PDE4B: variants seen among roughly 807,000 people sequenced by gnomAD.
PDE4B encodes the protein 3',5'-cyclic-AMP phosphodiesterase 4B.
Under a neutral mutation model 82.2 loss-of-function variants are expected in PDE4B, and 20 were observed. The observed-to-expected ratio is 0.24, with a 90% CI of 0.17 to 0.35. PDE4B has a LOEUF of 0.35. PDE4B is among the 10% of genes least tolerant of loss of function. The probability of loss-of-function intolerance (pLI) is 1.00; values close to 1 mark genes in which losing one functional copy is unlikely to be tolerated. For synonymous variants in PDE4B, 320 were observed against 318.9 expected, an observed-to-expected ratio of 1.00 and a Z score of -0.04; for missense variants, 655 against 907.2, an observed-to-expected ratio of 0.72 and a Z score of 3.57.
intron 1 of PDE4B, among the ~76,000 whole-genome samples, chr1:65,912,901 C>T (rs751958258): frequency 6.6e-6 from 1 of 152,080 alleles, no homozygotes; most frequent in Non-Finnish European, 1.5e-5. Flanking sequence ...TTGCAAGCAT[C>T]AAATAAAATA....
chr1:66,066,077 C>T (rs1287047935), intron 3 of PDE4B, among the ~76,000 whole-genome samples: 1 of 151,402 alleles, frequency 6.6e-6, no homozygotes, highest in Non-Finnish European at 1.5e-5. Flanking sequence ...GTTCTTCCTT[C>T]TAGTAACAAA....
At chr1:66,210,850 A>T (rs1274420106) in intron 3 of PDE4B, among the ~76,000 whole-genome samples, 4 of 152,136 alleles carry the variant, frequency 2.6e-5, no homozygotes, top group African/African-American at 9.7e-5. Context: ...TCTGCTCCTG[A>T]TCATAAGACC....
At chr1:65,825,744 A>G (rs1358897081) in intron 1 of PDE4B, among the ~76,000 whole-genome samples, 1 of 151,508 alleles carries the variant, frequency 6.6e-6, no homozygotes, top group Non-Finnish European at 1.5e-5. Context: ...CTATCTATCT[A>G]TCTATCTATC....
intron 3 of PDE4B, among the ~76,000 whole-genome samples, chr1:66,078,185 G>C (rs890860903): frequency 6.6e-6 from 1 of 151,166 alleles, no homozygotes; most frequent in African/African-American, 2.4e-5. Flanking sequence ...CTTGCTTAAA[G>C]CCTCTTTCTT....
At chr1:66,131,759 G>A (rs2101113534) in intron 3 of PDE4B, among the ~76,000 whole-genome samples, 1 of 151,262 alleles carries the variant, frequency 6.6e-6, no homozygotes, top group African/African-American at 2.4e-5. Context: ...TAAGCAATGG[G>A]AATAGAACAA....
chr1:66,116,424 A>G (rs115069695), intron 3 of PDE4B, among the ~76,000 whole-genome samples: 115 of 151,812 alleles, frequency 7.6e-4, no homozygotes, highest in Non-Finnish European at 1.1e-3. Flanking sequence ...CCTCCCCCCA[A>G]CTCCCACCAC....
intron 3 of PDE4B, among the ~76,000 whole-genome samples, chr1:66,007,440 G>A (rs1351323251): frequency 2.0e-5 from 3 of 151,650 alleles, no homozygotes; most frequent in African/African-American, 7.3e-5. Flanking sequence ...CAAGAAAAAC[G>A]AACAAAACAA....
chr1:66,025,735 A>G lies in PDE4B; in HGVS notation c.281+106900A>G, dbSNP rs148186169. On this transcript the variant is annotated intron_variant, in intron 3 of 16. Coordinates refer to ENST00000341517, the MANE Select transcript of PDE4B (RefSeq NM_002600.4). Reference sequence around the variant, plus strand: ...CTTAACCCCTGTTCCCCATTTCATGACTAATTGTTTACCAAGTTATTTTGA... The same window carrying G: ...CTTAACCCCTGTTCCCCATTTCATGGCTAATTGTTTACCAAGTTATTTTGA... Among the ~76,000 whole-genome samples, 1,051 of 152,288 alleles carry G rather than the reference A, an allele frequency of 6.9e-3. 4 individuals are homozygous for G. Among genetic ancestry groups the G allele is most frequent in the Non-Finnish European group, 0.011 (738 of 68,012 alleles).
At chr1:65,887,669 C>T (rs548959112) in intron 1 of PDE4B, among the ~76,000 whole-genome samples, 22 of 151,704 alleles carry the variant, frequency 1.5e-4, no homozygotes, top group Non-Finnish European at 2.5e-4. Flanking sequence ...CCACCTGCCT[C>T]GGCCTCCCAA....
chr1:66,017,988 G>C (rs1484118318), intron 3 of PDE4B, among the ~76,000 whole-genome samples: 1 of 152,112 alleles, frequency 6.6e-6, no homozygotes, highest in Non-Finnish European at 1.5e-5. Context: ...TGGGTAACTG[G>C]CTATATTTTA....
intron 3 of PDE4B, among the ~76,000 whole-genome samples, chr1:65,942,547 A>G (rs749918012): frequency 4.6e-5 from 7 of 152,018 alleles, no homozygotes; most frequent in Non-Finnish European, 7.4e-5. Context: ...TATACCCAGT[A>G]GTGAGATTTC....
chr1:65,881,673 A>G (rs1646710338), intron 1 of PDE4B, among the ~76,000 whole-genome samples: 1 of 152,178 alleles, frequency 6.6e-6, no homozygotes, highest in South Asian at 2.1e-4. Flanking sequence ...GTGCCTTCTC[A>G]GTTCCCTTTC....
At chr1:66,341,613 A>C (rs1660987980) in intron 8 of PDE4B, among the ~76,000 whole-genome samples, 1 of 152,228 alleles carries the variant, frequency 6.6e-6, no homozygotes, top group African/African-American at 2.4e-5. Flanking sequence ...TTTCTCACTC[A>C]TTCCAATGTC....
intron 1 of PDE4B, among the ~76,000 whole-genome samples, chr1:65,878,449 C>T (rs1474593677): frequency 6.6e-6 from 1 of 152,170 alleles, no homozygotes; most frequent in Non-Finnish European, 1.5e-5. Flanking sequence ...TATTGCTGCA[C>T]TATTTACAAT....
chr1:66,108,942 CA>C (rs1645427791), intron 3 of PDE4B, among the ~76,000 whole-genome samples: 1 of 151,936 alleles, frequency 6.6e-6, no homozygotes, highest in Non-Finnish European at 1.5e-5. Context: ...CTTGGTCATA[CA>C]GAAAGTCTGT....
At chr1:65,846,785 T>G (rs1412180509) in intron 1 of PDE4B, among the ~76,000 whole-genome samples, 2 of 152,216 alleles carry the variant, frequency 1.3e-5, no homozygotes, top group Non-Finnish European at 2.9e-5. Context: ...TTCATTTCAG[T>G]TATCTGGCAC....
At chr1:66,324,430 A>G (rs1036176907) in intron 7 of PDE4B, among the ~76,000 whole-genome samples, 12 of 152,148 alleles carry the variant, frequency 7.9e-5, no homozygotes, top group Non-Finnish European at 1.2e-4. Flanking sequence ...TCTCACATTC[A>G]TAATGGAAAA....
chr1:65,913,659 AT>A (rs1459085521), intron 2 of PDE4B, among the ~76,000 whole-genome samples: 6 of 152,174 alleles, frequency 3.9e-5, no homozygotes, highest in Non-Finnish European at 7.3e-5. Flanking sequence ...CACTGCTTGC[AT>A]TATCATCAGT....
chr1:66,088,807 G>C (rs1050656356), intron 3 of PDE4B, among the ~76,000 whole-genome samples: 1 of 152,034 alleles, frequency 6.6e-6, no homozygotes, highest in Non-Finnish European at 1.5e-5. Flanking sequence ...TACGTGACTA[G>C]CTTTTAGCTC....
Sources: allele counts gnomAD v4.1 joint callset (sites outside exome capture counted in the v4.1 genomes callset), GRCh38; gene constraint gnomAD v4.1.1; transcripts MANE v1.5; gene names NCBI Gene and HGNC (gene_info 2026-07-23, HGNC 2026-07-21).